The following CASQ2 variants were observed in gnomAD, a reference collection of about 807,000 sequenced individuals.
CASQ2 encodes calsequestrin 2, also known as calsequestrin-2.
CASQ2 carries 49 observed loss-of-function variants against 46.5 expected under a neutral mutation model. The ratio of observed to expected loss-of-function variants is 1.05; its 90% CI spans 0.84 to 1.34. The LOEUF is 1.34. Among genes scored for constraint, CASQ2 ranks in the 40% most tolerant of loss-of-function variants. The pLI is 0.00. For synonymous variants in CASQ2, 174 were observed against 168.5 expected (o/e 1.03, Z -0.25); for missense variants, 486 against 481.3 (o/e 1.01, Z -0.09).
chr1:115,745,975 G>A (rs1005955172), intron 1 of CASQ2, among the ~76,000 whole-genome samples: 10 of 152,078 alleles, frequency 6.6e-5, no homozygotes, highest in African/African-American at 2.2e-4. Context: ...ACACCCACTG[G>A]TTCGTGTCCC....
chr1:115,700,128 G>C lies in CASQ2; in HGVS notation c.*1113C>G, dbSNP rs1654160410. 6.6e-6 allele frequency: 1 copy of C among 152,630 alleles called. No individual in the cohort carries two copies. The highest frequency in any genetic ancestry group is 6.5e-5 in the Admixed American group (1 of 15,302). 9.5% of individuals were successfully genotyped at this position (152,630 alleles called of 1,614,324 possible). A position where few individuals can be genotyped will look rare whatever the true frequency, so the allele number is the denominator to read the frequency against. On this transcript the variant is annotated 3_prime_UTR_variant, in exon 11 of 11. Transcript: ENST00000261448. ...ACAGTGTCTTACACATGTGCTAAAA[G>C]ATTGAGAAAATAAATTAGAAAATTA...
At chr1:115,749,858 C>T (rs1053181720) in intron 1 of CASQ2, among the ~76,000 whole-genome samples, 1 of 152,212 alleles carries the variant, frequency 6.6e-6, no homozygotes. Context: ...AGGTCGCTAC[C>T]AGTCCTGGCC....
intron 6 of CASQ2, among the ~76,000 whole-genome samples, chr1:115,725,945 G>A (rs557813967): frequency 2.9e-3 from 437 of 152,224 alleles, no homozygotes; most frequent in African/African-American, 9.8e-3. Flanking sequence ...AGGAAATCTC[G>A]GATTTTGTAG....
At chr1:115,722,029 G>A (rs920465361) in intron 7 of CASQ2, among the ~76,000 whole-genome samples, 7 of 152,154 alleles carry the variant, frequency 4.6e-5, no homozygotes, top group African/African-American at 7.2e-5. Flanking sequence ...CTCCTCAGAG[G>A]TCCTTTGGAT....
chr1:115,701,492 C>T (rs1570792186), intron 10 of CASQ2, 66 bp from the exon 11 acceptor site: 1 of 1,022,376 alleles, frequency 9.8e-7, no homozygotes, highest in Middle Eastern at 2.0e-4. Context: ...CAGGGATAGC[C>T]GTGCTGAATA....
At chr1:115,729,889 T>C (rs1053237052) in intron 5 of CASQ2, among the ~76,000 whole-genome samples, 9 of 152,174 alleles carry the variant, frequency 5.9e-5, no homozygotes, top group Non-Finnish European at 8.8e-5. Context: ...AAGAAAGTGA[T>C]TTTTCGTCTC....
chr1:115,748,580 A>G (rs10801971), intron 1 of CASQ2, among the ~76,000 whole-genome samples: 41,175 of 149,102 alleles, frequency 0.28, 6,022 homozygotes, highest in East Asian at 0.43. Flanking sequence ...GCAACACTTA[A>G]GATGAAAGGC....
In CASQ2 at chr1:115,751,737, TAGAG is replaced by T. The variant is rs372429079; in HGVS notation, c.235-6829_235-6826del. ...CAAAAAAATAAGGGCTGTGGAGACTTAGAGAGTTTGTGGGCTGGGAGGTCAAATC... is the reference window on the plus strand; with the variant it reads ...CAAAAAAATAAGGGCTGTGGAGACTTAGTTTGTGGGCTGGGAGGTCAAATC... On this transcript the variant is annotated intron_variant, in intron 1 of 10. Coordinates refer to ENST00000261448, the MANE Select transcript of CASQ2 (RefSeq NM_001232.4). 3.4e-3 allele frequency among the ~76,000 whole-genome samples: 514 copies of T among 151,972 alleles called. 2 individuals are homozygous for T. Among genetic ancestry groups the T allele is most frequent in the Non-Finnish European group, 5.8e-3 (391 of 67,986 alleles).
intron 1 of CASQ2, among the ~76,000 whole-genome samples, chr1:115,766,107 C>T (rs912068143): frequency 6.6e-6 from 1 of 152,164 alleles, no homozygotes; most frequent in Non-Finnish European, 1.5e-5. Context: ...GCATGAGCAG[C>T]GCCTCCAGGC....
intron 1 of CASQ2, among the ~76,000 whole-genome samples, chr1:115,753,557 T>G (rs902528747): frequency 1.3e-5 from 2 of 152,012 alleles, no homozygotes; most frequent in African/African-American, 4.8e-5. Context: ...TTAGAGCAGG[T>G]GTGTCTCGCT....
intron 8 of CASQ2, 85 bp from the exon 9 acceptor site, chr1:115,705,377 G>T: frequency 1.2e-6 from 1 of 826,872 alleles, no homozygotes; most frequent in South Asian, 1.4e-5. Context: ...TTTCCACGAG[G>T]ACTTCTTAGG....
chr1:115,724,867 C>G (rs970326126), intron 7 of CASQ2, among the ~76,000 whole-genome samples: 4 of 152,112 alleles, frequency 2.6e-5, no homozygotes, highest in African/African-American at 9.7e-5. Flanking sequence ...GGACTTGAAC[C>G]CTAGTCTCTA....
At chr1:115,738,494 A>T (rs150011959) in intron 3 of CASQ2, among the ~76,000 whole-genome samples, 159 bp from the exon 4 acceptor site, 143 of 152,370 alleles carry the variant, frequency 9.4e-4, no homozygotes, top group African/African-American at 3.4e-3. Context: ...GCATACCAGC[A>T]GTACCTTCTG....
chr1:115,736,692 A>T (rs557166735), intron 4 of CASQ2, among the ~76,000 whole-genome samples: 5 of 152,252 alleles, frequency 3.3e-5, no homozygotes, highest in East Asian at 1.9e-4. Context: ...AATTTTTTTT[A>T]AAAATTGGAG....
intron 8 of CASQ2, among the ~76,000 whole-genome samples, chr1:115,708,402 A>G (rs10737728): frequency 0.4 from 60,088 of 152,012 alleles, 13,034 homozygotes; most frequent in African/African-American, 0.57. Flanking sequence ...TCTGACCCCA[A>G]ATACTTTCAA....
intron 5 of CASQ2, among the ~76,000 whole-genome samples, chr1:115,727,507 C>A (rs890766825): frequency 9.2e-5 from 14 of 152,152 alleles, no homozygotes; most frequent in Admixed American, 6.6e-4. Context: ...TTTAATGGAA[C>A]CAATGTTGAT....
intron 7 of CASQ2, among the ~76,000 whole-genome samples, chr1:115,720,054 G>A (rs887323346): frequency 3.9e-5 from 6 of 152,148 alleles, no homozygotes; most frequent in African/African-American, 1.4e-4. Context: ...TTGAATGCTT[G>A]AAGAATCAAA....
chr1:115,738,140 C>T lies in CASQ2; in HGVS notation c.532+84G>A, dbSNP rs1648027471. On this transcript the variant is annotated intron_variant, in intron 4 of 10. Coordinates refer to ENST00000261448, the MANE Select transcript of CASQ2 (RefSeq NM_001232.4). ...TACCCAGCAAAAGAGGTGCTGAAGACCCATCCTCTTTTGGGGTAACCTGAC... is the reference window on the plus strand; with the variant it reads ...TACCCAGCAAAAGAGGTGCTGAAGATCCATCCTCTTTTGGGGTAACCTGAC... 1.6e-5 allele frequency: 13 copies of T among 832,130 alleles called. No individual in the cohort carries two copies. In the Admixed American group the frequency reaches 2.2e-4, roughly 14 times the overall value. The allele number at this position is 832,130 out of a possible 1,614,324, so 51.5% of individuals were successfully genotyped here. A position where few individuals can be genotyped will look rare whatever the true frequency, so the allele number is the denominator to read the frequency against.
At position 115,702,975 on chromosome 1, in the gene CASQ2, C is replaced by T. The variant is rs200442064; in HGVS notation, c.960G>A (p.Lys320=). Residue 320 remains lysine, a synonymous_variant, in exon 10 of 11, where the codon AAG becomes AAA. Coordinates refer to ENST00000261448, the MANE Select transcript of CASQ2 (RefSeq NM_001232.4). ...GCCTGAATAGGTCAATCTTGAAAGT[C>T]TTCTCCCAGTAGGCAACGAGCTGCA... ...DFPLLVAYWE[K]TFKIDLFRPQ... is the part of the protein sequence containing the mutation. 8 of 1,613,444 alleles carry T rather than the reference C, an allele frequency of 5.0e-6. No individual in the cohort carries two copies. The East Asian group carries it at 6.7e-5, about 13-fold the overall frequency.
Sources: gnomAD v4.1 joint callset for allele counts (sites outside exome capture counted in the v4.1 genomes callset) on GRCh38, gnomAD v4.1.1 for gene constraint, MANE v1.5 for transcripts, NCBI Gene and HGNC (gene_info 2026-07-23, HGNC 2026-07-21) for gene names.